ADGRL2: variants seen among roughly 807,000 people sequenced by gnomAD.
ADGRL2 encodes calcium-independent alpha-latrotoxin receptor 2.
Under a neutral mutation model 157.4 loss-of-function variants are expected in ADGRL2, and 44 were observed. That is an observed-to-expected ratio of 0.28 (90% confidence interval 0.22 to 0.36). ADGRL2 has a LOEUF of 0.36. Among genes scored for constraint, ADGRL2 ranks in the 10% least tolerant of loss-of-function variants. The pLI, the probability that ADGRL2 is intolerant of heterozygous loss-of-function variation, is 1.00. For missense variants in ADGRL2, 1,510 were observed against 1,768.9 expected, an observed-to-expected ratio of 0.85 and a Z score of 2.63; for synonymous variants, 585 against 624.7, an observed-to-expected ratio of 0.94 and a Z score of 0.95.
At chr1:81,432,961 G>A (rs1428857208) in intron 1 of ADGRL2, among the ~76,000 whole-genome samples, 2 of 152,080 alleles carry the variant, frequency 1.3e-5, no homozygotes, top group African/African-American at 4.8e-5. Context: ...AAGTGTCTGT[G>A]GAAATATGTA....
intron 1 of ADGRL2, among the ~76,000 whole-genome samples, chr1:81,391,004 T>C (rs529923506): frequency 2.6e-4 from 39 of 152,366 alleles, no homozygotes; most frequent in African/African-American, 8.9e-4. Flanking sequence ...TCATGGAAAC[T>C]TTTGACACTT....
chr1:81,609,616 C>T (rs2148664423), intron 3 of ADGRL2, among the ~76,000 whole-genome samples: 1 of 152,296 alleles, frequency 6.6e-6, no homozygotes, highest in East Asian at 1.9e-4. Flanking sequence ...GGAGCACCAC[C>T]TCTCTGTCCT....
At position 81,986,930 on chromosome 1, in the gene ADGRL2, C is replaced by A. The variant is rs753623324; in HGVS notation, c.3538C>A (p.Pro1180Thr). Reference sequence around the variant, plus strand: ...GACTGGCAATTACCTACTAACAAACCCTCTTCTTCGACCCCACGGCACTAA... The same window carrying A: ...GACTGGCAATTACCTACTAACAAACACTCTTCTTCGACCCCACGGCACTAA... ...GMTGNYLLTN[P>T]LLRPHGTNNP... Residue 1180 changes from proline to threonine, a missense_variant, in exon 22 of 24, where the codon CCT (proline) becomes ACT (threonine). This residue lies in a region of ADGRL2 where 497 missense variants were observed against 627.2 expected (regional missense o/e 0.79). Coordinates refer to ENST00000686636, the MANE Select transcript of ADGRL2 (RefSeq NM_001366006.2). 2 of 1,610,836 alleles carry A rather than the reference C, an allele frequency of 1.2e-6. No individual in the cohort carries two copies. The highest frequency in any genetic ancestry group is 2.2e-5 in the South Asian group (2 of 91,002).
chr1:81,549,606 A>G (rs1457079849), intron 2 of ADGRL2, among the ~76,000 whole-genome samples: 2 of 152,212 alleles, frequency 1.3e-5, no homozygotes. Flanking sequence ...TAAATAAGCA[A>G]TCCTCCTGGA....
chr1:81,388,909 T>G (rs769240840), intron 1 of ADGRL2, among the ~76,000 whole-genome samples: 28 of 152,238 alleles, frequency 1.8e-4, no homozygotes, highest in Middle Eastern at 3.4e-3. Context: ...TGGGGCTTTT[T>G]GGGGCCCCAG....
intron 1 of ADGRL2, among the ~76,000 whole-genome samples, chr1:81,818,709 T>G (rs2090670558): frequency 6.6e-6 from 1 of 152,162 alleles, no homozygotes; most frequent in South Asian, 2.1e-4. Flanking sequence ...TTCACTAGGT[T>G]GTGAAATATT....
At chr1:81,461,935 G>GA (rs1491485876) in intron 2 of ADGRL2, among the ~76,000 whole-genome samples, 2 of 146,804 alleles carry the variant, frequency 1.4e-5, no homozygotes, top group African/African-American at 2.5e-5. Context: ...AAGAAAGGGG[G>GA]GGGGGGGTGG....
At chr1:81,690,914 A>G (rs898807224) in intron 3 of ADGRL2, among the ~76,000 whole-genome samples, 8 of 152,248 alleles carry the variant, frequency 5.3e-5, no homozygotes, top group African/African-American at 1.9e-4. Flanking sequence ...TGGAAGCCTC[A>G]GCTACAGCTG....
At chr1:81,653,717 T>A (rs1184567773) in intron 3 of ADGRL2, among the ~76,000 whole-genome samples, 1 of 152,204 alleles carries the variant, frequency 6.6e-6, no homozygotes, top group African/African-American at 2.4e-5. Flanking sequence ...TGTAAATATA[T>A]GTGTGCATGC....
At chr1:81,469,891 A>G (rs1448824248) in intron 2 of ADGRL2, among the ~76,000 whole-genome samples, 1 of 152,128 alleles carries the variant, frequency 6.6e-6, no homozygotes, top group Non-Finnish European at 1.5e-5. Context: ...TTCTCTTTTC[A>G]TAGGCTCCTT....
At chr1:81,919,185 A>G (rs185644836) in intron 3 of ADGRL2, among the ~76,000 whole-genome samples, 1 of 152,246 alleles carries the variant, frequency 6.6e-6, no homozygotes, top group Non-Finnish European at 1.5e-5. Flanking sequence ...TAAAAATTAA[A>G]CAAATTCATT....
chr1:81,898,777 G>A (rs188885178), intron 2 of ADGRL2, among the ~76,000 whole-genome samples: 5 of 152,254 alleles, frequency 3.3e-5, no homozygotes, highest in Admixed American at 2.6e-4. Flanking sequence ...ATTGAAATAA[G>A]CTTTCTGGAT....
At chr1:81,606,605 G>T (rs2081437269) in intron 3 of ADGRL2, among the ~76,000 whole-genome samples, 1 of 151,998 alleles carries the variant, frequency 6.6e-6, no homozygotes, top group African/African-American at 2.4e-5. Flanking sequence ...CGAAGAATTT[G>T]GCTGTGAACT....
intron 2 of ADGRL2, among the ~76,000 whole-genome samples, chr1:81,484,139 C>T (rs2078450267): frequency 1.3e-5 from 2 of 152,078 alleles, no homozygotes; most frequent in Admixed American, 6.6e-5. Context: ...TTTGGTCTTG[C>T]TTTTATAAAT....
chr1:81,956,135 A>AT, intron 11 of ADGRL2, 75 bp downstream of exon 11: 1 of 1,145,442 alleles, frequency 8.7e-7, no homozygotes, highest in South Asian at 1.7e-5. Context: ...TCCATTCTGT[A>AT]TCTGTTATTT....
At chr1:81,736,137 C>T (rs568614026) in intron 1 of ADGRL2, among the ~76,000 whole-genome samples, 7 of 123,172 alleles carry the variant, frequency 5.7e-5, no homozygotes, top group Non-Finnish European at 8.3e-5. Context: ...AGCAAGACCC[C>T]GTCTCAAAAA....
intron 11 of ADGRL2, among the ~76,000 whole-genome samples, chr1:81,960,123 T>C (rs1055000765): frequency 1.3e-5 from 2 of 152,198 alleles, no homozygotes; most frequent in African/African-American, 2.4e-5. Context: ...TTAAAAGTTA[T>C]TTCTCTTTGC....
At chr1:81,966,026 T>C (rs1656943766) in intron 11 of ADGRL2, 32 bp from the exon 12 acceptor site, 1 of 1,608,410 alleles carries the variant, frequency 6.2e-7, no homozygotes, top group African/African-American at 1.3e-5. Context: ...AATCCTTTTT[T>C]CCCCACCTCC....
Position 81,763,558 on chromosome 1 carries a change from C to T in ADGRL2, c.-101+1706C>T, listed in dbSNP as rs528337837. Among the ~76,000 whole-genome samples the T allele has an allele frequency of 7.1e-5, 10 of 141,522 alleles. No individual in the cohort carries two copies. The East Asian group carries it at 9.3e-4, about 13-fold the overall frequency. The allele number at this position is 141,522 out of a possible 152,430, so 92.8% of individuals were successfully genotyped here. On this transcript the variant is annotated intron_variant, in intron 2 of 20. Coordinates refer to the ADGRL2 transcript ENST00000359929. Reference sequence around the variant, plus strand: ...GAGCCAAGACTGCACCATTGCACTCCGGTCTCGGTGACAGAGCAAGATTCA... The same window carrying T: ...GAGCCAAGACTGCACCATTGCACTCTGGTCTCGGTGACAGAGCAAGATTCA...
Sources: gnomAD v4.1 joint callset for allele counts (sites outside exome capture counted in the v4.1 genomes callset) on GRCh38, gnomAD v4.1.1 for gene constraint, gnomAD v4.1.1 regional missense constraint, MANE v1.5 for transcripts, NCBI Gene and HGNC (gene_info 2026-07-23, HGNC 2026-07-21) for gene names.